The following TACC3 variants were observed in gnomAD, a reference collection of about 807,000 sequenced individuals.
The protein encoded by TACC3 is transforming acidic coiled-coil containing protein 3.
In TACC3, 52 loss-of-function variants were observed where a neutral mutation model predicts 86.0. That is an observed-to-expected ratio of 0.60 (90% CI 0.48 to 0.76). The LOEUF (loss-of-function observed/expected upper bound fraction) is 0.76, where lower values mean the gene tolerates loss of function less well. Ranked by LOEUF, TACC3 falls within the 30% of genes least tolerant of loss-of-function variation. The pLI is 0.00. For missense variants in TACC3, 1,120 were observed against 1,070.4 expected, an observed-to-expected ratio of 1.05 and a Z score of -0.65; for synonymous variants, 512 against 430.0, an observed-to-expected ratio of 1.19 and a Z score of -2.36.
chr4:1,736,665 T>C (rs1329822788), intron 8 of TACC3, among the ~76,000 whole-genome samples: 1 of 151,974 alleles, frequency 6.6e-6, no homozygotes, highest in Admixed American at 6.6e-5. Context: ...TCCCAGCCCT[T>C]TGGGAGGCTG....
chr4:1,724,949 T>A (rs1024673100), intron 3 of TACC3, among the ~76,000 whole-genome samples: 1 of 148,830 alleles, frequency 6.7e-6, no homozygotes, highest in African/African-American at 2.5e-5. Context: ...TTTTTTTTTT[T>A]ACACGGAGTT....
At chr4:1,738,885 C>T (rs991228019) in intron 10 of TACC3, among the ~76,000 whole-genome samples, 3 of 151,996 alleles carry the variant, frequency 2.0e-5, no homozygotes, top group Admixed American at 6.6e-5. Context: ...AGCAGGTGAC[C>T]GGGATGAGTC....
chr4:1,735,154 G>A lies in TACC3; in HGVS notation c.1592-119G>A. 7.2e-7 allele frequency: 1 copy of A among 1,391,600 alleles called. No individual in the cohort carries two copies. The allele number at this position is 1,391,600 out of a possible 1,614,324, so 86.2% of individuals were successfully genotyped here. Reference sequence around the variant, plus strand: ...GGCCCCGAACATCCACACCTCCAAGGGAGGAAATACTGCTGGCTGGAATGA... The same window carrying A: ...GGCCCCGAACATCCACACCTCCAAGAGAGGAAATACTGCTGGCTGGAATGA... On this transcript the variant is annotated intron_variant, in intron 6 of 15. Transcript: ENST00000313288. The surrounding 1 kb of genome is among the most constrained non-coding windows in gnomAD (Gnocchi z 4.2).
At chr4:1,729,585 T>A (rs1327319949) in intron 4 of TACC3, among the ~76,000 whole-genome samples, 2 of 152,192 alleles carry the variant, frequency 1.3e-5, no homozygotes, top group South Asian at 2.1e-4. Flanking sequence ...CATTATTTTT[T>A]CTATGTATTT....
chr4:1,740,808 T>C lies in TACC3; in HGVS notation c.2063-18T>C, dbSNP rs762602837. ...CGGTTGCCTCCTCATCCTGAACGTT[T>C]GCTTTTCTTTTCTCAAGAGGAAGTT... On this transcript the variant is annotated intron_variant, in intron 12 of 15. Coordinates refer to ENST00000313288, the MANE Select transcript of TACC3 (RefSeq NM_006342.3). The C allele has an allele frequency of 5.6e-6, 9 of 1,601,428 alleles. No homozygotes were observed. In the African/African-American group the frequency reaches 6.8e-5, roughly 12 times the overall value.
intron 4 of TACC3, among the ~76,000 whole-genome samples, chr4:1,729,423 T>C (rs798762): frequency 0.71 from 108,444 of 151,962 alleles, 39,878 homozygotes; most frequent in East Asian, 0.86. Flanking sequence ...GCCCCGAATG[T>C]CTGGCTGCGC....
At chr4:1,744,912 C>G in intron 15 of TACC3, 36 bp from the exon 16 acceptor site, 1 of 1,611,280 alleles carries the variant, frequency 6.2e-7, no homozygotes, top group Non-Finnish European at 8.5e-7. Flanking sequence ...TCCCTCCAAG[C>G]AGGGAGAAGC....
Position 1,737,236 on chromosome 4 carries a change from G to A in TACC3, c.1749-5G>A. 1 of 1,613,706 alleles carries A rather than the reference G, an allele frequency of 6.2e-7. No individual in the cohort carries two copies. The highest frequency in any genetic ancestry group is 8.5e-7 in the Non-Finnish European group (1 of 1,179,804). On this transcript the variant is annotated splice_region_variant and splice_polypyrimidine_tract_variant and intron_variant, in intron 8 of 15. Transcript: ENST00000313288. ...GTGACTGAGGCTGCCTCTGCTTGGT[G>A]GCAGCATGCACGGTGCAAATGAGAC...
In TACC3 at chr4:1,723,785, A is replaced by G; in HGVS notation, c.220A>G (p.Met74Val). Residue 74 changes from methionine (M) to valine (V), a missense_variant, in exon 3 of 16, where the codon ATG becomes GTG. By Grantham distance (21) the Met-to-Val change is conservative. Coordinates refer to ENST00000313288, the MANE Select transcript of TACC3 (RefSeq NM_006342.3). ...PQTHRILSPS[M>V]ASKLEAPFTQ... ...GACGCACAGGATTCTAAGTCCTAGC[A>G]TGGCCAGCAAACTTGAGGCTCCTTT... is the stretch of plus-strand genomic sequence containing the variant. The G allele has an allele frequency of 6.2e-7, 1 of 1,613,880 alleles. No individual in the cohort carries two copies. The highest frequency in any genetic ancestry group is 8.5e-7 in the Non-Finnish European group (1 of 1,180,028).
At chr4:1,729,663 G>A (rs892565833) in intron 4 of TACC3, among the ~76,000 whole-genome samples, 5 of 152,204 alleles carry the variant, frequency 3.3e-5, no homozygotes, top group Non-Finnish European at 5.9e-5. Context: ...TGTACAGAGC[G>A]GATCATGAAA....
At position 1,728,195 on chromosome 4, in the gene TACC3, C is replaced by A; in HGVS notation, c.793C>A (p.Leu265Met). 1 of 1,611,702 alleles carries A rather than the reference C, an allele frequency of 6.2e-7. No homozygotes were observed. Among genetic ancestry groups the A allele is most frequent in the Non-Finnish European group, 8.5e-7 (1 of 1,179,518 alleles). The change falls in exon 4 of 16, where the codon CTG becomes ATG. Residue 265 changes from leucine (L) to methionine (M), a missense_variant. Leu to Met is a conservative substitution (Grantham distance 15). Coordinates refer to ENST00000313288, the MANE Select transcript of TACC3 (RefSeq NM_006342.3). ...IPKEACGGAPLQGLPGEALGC... is the reference protein window; with the variant it reads ...IPKEACGGAPMQGLPGEALGC... Reference sequence around the variant, plus strand: ...TAAGGAAGCCTGCGGAGGAGCACCCCTGCAGGGTCTGCCTGGCGAAGCCCT... The same window carrying A: ...TAAGGAAGCCTGCGGAGGAGCACCCATGCAGGGTCTGCCTGGCGAAGCCCT...
Position 1,739,940 on chromosome 4 carries a change from G to A in TACC3, c.2019-19G>A, listed in dbSNP as rs1378270826. ...TGGGCACCCGAGGCAATGGCTGTGT[G>A]TCTGTTCTCCTCCCACAGGAAGATC... On this transcript the variant is annotated intron_variant, in intron 11 of 15. Transcript: ENST00000313288. 4 of 1,613,026 alleles carry A rather than the reference G, an allele frequency of 2.5e-6. No homozygotes were observed. In the South Asian group the frequency reaches 4.4e-5, roughly 18 times the overall value.
chr4:1,744,402 TGGCTCAC>T lies in TACC3; in HGVS notation c.2224-111_2224-105del, dbSNP rs1234605109. 4 of 926,034 alleles carry T rather than the reference TGGCTCAC, an allele frequency of 4.3e-6. No homozygotes were observed. In the African/African-American group the frequency reaches 5.0e-5, roughly 12 times the overall value. The allele number at this position is 926,034 out of a possible 1,614,324, so 57.4% of individuals were successfully genotyped here. A position where few individuals can be genotyped will look rare whatever the true frequency, so the allele number is the denominator to read the frequency against. ...TTTCCAAAAGGAAAACGGGAGCTAC[TGGCTCAC>T]GGCTGATGCCCCAGACAGCCTCGAG... On this transcript the variant is annotated intron_variant, in intron 13 of 15. Coordinates refer to ENST00000313288, the MANE Select transcript of TACC3 (RefSeq NM_006342.3).
intron 13 of TACC3, 76 bp from the exon 14 acceptor site, chr4:1,744,442 A>G (rs1407330625): frequency 2.2e-6 from 3 of 1,351,770 alleles, no homozygotes; most frequent in Non-Finnish European, 3.1e-6. Flanking sequence ...GAGGATCTGC[A>G]GGTCCCCAGA....
intron 13 of TACC3, 75 bp from the exon 14 acceptor site, chr4:1,744,443 G>A: frequency 1.4e-6 from 2 of 1,387,688 alleles, no homozygotes; most frequent in Non-Finnish European, 2.0e-6. Context: ...AGGATCTGCA[G>A]GTCCCCAGAC....
At chr4:1,730,984 A>G in intron 5 of TACC3, 22 bp downstream of exon 5, 1 of 1,613,084 alleles carries the variant, frequency 6.2e-7, no homozygotes, top group Non-Finnish European at 8.5e-7. Flanking sequence ...TTGTGTGGGT[A>G]CCTGTGCTCC....
chr4:1,722,555 G>A (rs1186898274), intron 1 of TACC3, among the ~76,000 whole-genome samples: 1 of 152,066 alleles, frequency 6.6e-6, no homozygotes, highest in Non-Finnish European at 1.5e-5. Flanking sequence ...GACCTGCCGG[G>A]GCTGCCCCCT....
chr4:1,732,427 T>C (rs1718049517), intron 6 of TACC3, among the ~76,000 whole-genome samples: 1 of 152,126 alleles, frequency 6.6e-6, no homozygotes, highest in Non-Finnish European at 1.5e-5. Context: ...GTCCGTAAGA[T>C]TGGAGGCTGC....
chr4:1,723,942 G>A (rs1288768082), intron 3 of TACC3, 72 bp downstream of exon 3: 1 of 1,537,346 alleles, frequency 6.5e-7, no homozygotes, highest in African/African-American at 1.4e-5. Context: ...GGAAAGTGCT[G>A]TCTTGTTCTA....
Sources: allele counts gnomAD v4.1 joint callset (sites outside exome capture counted in the v4.1 genomes callset), GRCh38; gene constraint gnomAD v4.1.1; non-coding constraint Gnocchi (gnomAD v3.1); transcripts MANE v1.5; gene names NCBI Gene and HGNC (gene_info 2026-07-23, HGNC 2026-07-21).